Variants in ZFAND3 observed in about 807,000 individuals in gnomAD.
ZFAND3 encodes the protein zinc finger AN1-type containing 3.
In ZFAND3, 10 loss-of-function variants were observed where a neutral mutation model predicts 29.6. That is an observed-to-expected ratio of 0.34 (90% CI 0.21 to 0.57). The LOEUF (loss-of-function observed/expected upper bound fraction) is 0.57, where lower values mean the gene tolerates loss of function less well. Ranked by LOEUF, ZFAND3 falls within the 20% of genes least tolerant of loss-of-function variation. The probability of loss-of-function intolerance (pLI) is 0.86; values close to 1 mark genes in which losing one functional copy is unlikely to be tolerated. For synonymous variants in ZFAND3, 128 were observed against 112.6 expected, an observed-to-expected ratio of 1.14 and a Z score of -0.87; for missense variants, 230 against 304.5, an observed-to-expected ratio of 0.76 and a Z score of 1.82.
At chr6:38,073,204 A>T (rs1029584211) in intron 3 of ZFAND3, among the ~76,000 whole-genome samples, 5 of 152,108 alleles carry the variant, frequency 3.3e-5, no homozygotes, top group African/African-American at 1.2e-4. Context: ...TCTTTTTTTC[A>T]TTAGTCCTGA....
At position 38,152,923 on chromosome 6, in the gene ZFAND3, G is replaced by A. The variant is rs1388040636; in HGVS notation, c.*534G>A. 4.1e-6 allele frequency: 4 copies of A among 985,806 alleles called. No homozygotes were observed. Among genetic ancestry groups the A allele is most frequent in the Non-Finnish European group, 4.8e-6 (4 of 829,990 alleles). The allele number at this position is 985,806 out of a possible 1,614,324, so 61.1% of individuals were successfully genotyped here. ...GATTGGCCACGTGGCTGGGCTGGGTGGTGGCCTCACTCTCCCACAGAGCTG... is the reference window on the plus strand; with the variant it reads ...GATTGGCCACGTGGCTGGGCTGGGTAGTGGCCTCACTCTCCCACAGAGCTG... On this transcript the variant is annotated 3_prime_UTR_variant, in exon 6 of 6. Coordinates refer to ENST00000287218, the MANE Select transcript of ZFAND3 (RefSeq NM_021943.3).
chr6:38,019,053 C>T (rs1763300575), intron 2 of ZFAND3, among the ~76,000 whole-genome samples: 1 of 152,078 alleles, frequency 6.6e-6, no homozygotes, highest in Admixed American at 6.5e-5. Flanking sequence ...ACCTCCACCT[C>T]CTGGGTTCAA....
intron 2 of ZFAND3, among the ~76,000 whole-genome samples, chr6:38,041,295 T>A (rs548596397): frequency 1.2e-4 from 19 of 152,286 alleles, no homozygotes; most frequent in Non-Finnish European, 2.6e-4. Flanking sequence ...TAGTAAGAAA[T>A]TGTGGAAGAT....
intron 2 of ZFAND3, among the ~76,000 whole-genome samples, chr6:37,968,286 G>A (rs1561950530): frequency 6.6e-6 from 1 of 151,608 alleles, no homozygotes; most frequent in Admixed American, 6.6e-5. Context: ...ATGGATGGGG[G>A]AAAAAAAGCG....
At chr6:38,032,806 T>G (rs1330082565) in intron 2 of ZFAND3, among the ~76,000 whole-genome samples, 2 of 152,232 alleles carry the variant, frequency 1.3e-5, no homozygotes, top group East Asian at 3.8e-4. Flanking sequence ...AGAAAACTTC[T>G]TTGCTTATAA....
At chr6:37,988,089 A>G (rs1762700715) in intron 2 of ZFAND3, among the ~76,000 whole-genome samples, 1 of 152,208 alleles carries the variant, frequency 6.6e-6, no homozygotes, top group African/African-American at 2.4e-5. Flanking sequence ...TTTTAAAAAA[A>G]GTTTTTAATG....
intron 2 of ZFAND3, among the ~76,000 whole-genome samples, chr6:38,014,835 A>G (rs1371019972): frequency 2.6e-5 from 4 of 152,146 alleles, no homozygotes; most frequent in African/African-American, 9.7e-5. Flanking sequence ...TTAAGCATCA[A>G]CCCACTTCTC....
intron 2 of ZFAND3, among the ~76,000 whole-genome samples, chr6:37,977,876 CTT>C (rs1762515069): frequency 1.7e-5 from 2 of 119,520 alleles, no homozygotes; most frequent in Non-Finnish European, 3.6e-5. Context: ...TCCTTTCCTT[CTT>C]CCTTCCTTTC....
chr6:37,917,866 T>A (rs1761288275), intron 1 of ZFAND3, among the ~76,000 whole-genome samples: 1 of 152,158 alleles, frequency 6.6e-6, no homozygotes, highest in Non-Finnish European at 1.5e-5. Context: ...ATGTTTGGAA[T>A]TTGAACAAAT....
intron 4 of ZFAND3, among the ~76,000 whole-genome samples, chr6:38,087,416 A>G (rs1028094300): frequency 1.3e-5 from 2 of 152,232 alleles, no homozygotes; most frequent in African/African-American, 4.8e-5. Context: ...AGAGAATGGG[A>G]GAAAATATTT....
chr6:37,831,009 G>T (rs1303672107), intron 1 of ZFAND3, among the ~76,000 whole-genome samples: 1 of 152,100 alleles, frequency 6.6e-6, no homozygotes, highest in Admixed American at 6.5e-5. Context: ...AAGATGAAGG[G>T]CATACTGATC....
intron 1 of ZFAND3, among the ~76,000 whole-genome samples, chr6:37,878,828 T>C (rs1160778059): frequency 6.6e-6 from 1 of 152,182 alleles, no homozygotes; most frequent in African/African-American, 2.4e-5. Flanking sequence ...GTAAACATTT[T>C]GTGTCATTTA....
intron 2 of ZFAND3, among the ~76,000 whole-genome samples, chr6:37,989,532 T>C (rs752885127): frequency 2.0e-5 from 3 of 152,174 alleles, no homozygotes; most frequent in East Asian, 1.9e-4. Context: ...ATGACCTAAA[T>C]AGCCCCACAA....
intron 2 of ZFAND3, among the ~76,000 whole-genome samples, chr6:37,948,190 T>G (rs1261167506): frequency 1.3e-5 from 2 of 152,238 alleles, no homozygotes; most frequent in African/African-American, 4.8e-5. Context: ...CAGAGAGGGA[T>G]AGTGAAATAT....
intron 2 of ZFAND3, among the ~76,000 whole-genome samples, chr6:38,000,921 G>A (rs540647692): frequency 1.3e-5 from 2 of 152,082 alleles, no homozygotes; most frequent in Non-Finnish European, 2.9e-5. Context: ...TGAGTCTTGC[G>A]CCTACCTTCT....
intron 2 of ZFAND3, among the ~76,000 whole-genome samples, chr6:37,972,651 A>G (rs752981782): frequency 6.6e-6 from 1 of 151,894 alleles, no homozygotes; most frequent in Admixed American, 6.6e-5. Context: ...ACCAGGTGCT[A>G]TACTTTATGC....
chr6:37,900,274 A>G (rs1027180700), intron 1 of ZFAND3, among the ~76,000 whole-genome samples: 6 of 152,090 alleles, frequency 3.9e-5, no homozygotes, highest in African/African-American at 1.4e-4. Context: ...AACTTCTTTT[A>G]TACTGTGTTC....
chr6:38,153,284 T>G lies in ZFAND3; in HGVS notation c.*895T>G. 6 of 985,490 alleles carry G rather than the reference T, an allele frequency of 6.1e-6. No homozygotes were observed. The highest frequency in any genetic ancestry group is 7.2e-6 in the Non-Finnish European group (6 of 829,948). The allele number at this position is 985,490 out of a possible 1,614,324, so 61.0% of individuals were successfully genotyped here. Reference sequence around the variant, plus strand: ...ATTGGGAGTTTTTTAAAAAGACATTTCATAGCCAACAAGAATCAGTAGAAG... The same window carrying G: ...ATTGGGAGTTTTTTAAAAAGACATTGCATAGCCAACAAGAATCAGTAGAAG... On this transcript the variant is annotated 3_prime_UTR_variant, in exon 6 of 6. Transcript: ENST00000287218.
chr6:38,015,253 G>A (rs1763233833), intron 2 of ZFAND3, among the ~76,000 whole-genome samples: 1 of 152,156 alleles, frequency 6.6e-6, no homozygotes. Context: ...TTACTAATCA[G>A]AGAAATGCAA....
Sources: gnomAD v4.1 joint callset for allele counts (sites outside exome capture counted in the v4.1 genomes callset) on GRCh38, gnomAD v4.1.1 for gene constraint, MANE v1.5 for transcripts, NCBI Gene and HGNC (gene_info 2026-07-23, HGNC 2026-07-21) for gene names.